The following WWOX variants were observed in gnomAD, a reference collection of about 807,000 sequenced individuals.
WWOX encodes the protein WW domain containing oxidoreductase, also known as WW domain-containing oxidoreductase.
WWOX carries 69 observed loss-of-function variants against 46.2 expected under a neutral mutation model. That is an observed-to-expected ratio of 1.49 (90% CI 1.23 to 1.82). The LOEUF (loss-of-function observed/expected upper bound fraction) is 1.82. WWOX is among the 40% of genes most tolerant of loss of function. WWOX has a pLI of 0.00. For missense variants in WWOX, 919 were observed against 542.6 expected (o/e 1.69, Z -6.89); for synonymous variants, 359 against 202.6 (o/e 1.77, Z -6.56).
At chr16:78,250,317 C>T (rs1314448065) in intron 5 of WWOX, among the ~76,000 whole-genome samples, 1 of 152,218 alleles carries the variant, frequency 6.6e-6, no homozygotes, top group African/African-American at 2.4e-5. Context: ...TGATTCTTAA[C>T]TCTGCTCCTT....
intron 8 of WWOX, among the ~76,000 whole-genome samples, chr16:78,783,107 A>T (rs768135207): frequency 3.9e-5 from 6 of 152,246 alleles, no homozygotes; most frequent in Non-Finnish European, 8.8e-5. Context: ...AGCAGCTATG[A>T]TCAAGTTATC....
At chr16:78,251,197 G>A (rs899156717) in intron 5 of WWOX, among the ~76,000 whole-genome samples, 1 of 152,162 alleles carries the variant, frequency 6.6e-6, no homozygotes, top group Non-Finnish European at 1.5e-5. Context: ...ACTAGATGCT[G>A]TTAGGAGGAG....
At chr16:79,107,742 A>C (rs975119255) in intron 8 of WWOX, among the ~76,000 whole-genome samples, 3 of 152,232 alleles carry the variant, frequency 2.0e-5, no homozygotes, top group Non-Finnish European at 4.4e-5. Context: ...TAGATTTATA[A>C]ATTTCTCCCA....
chr16:79,012,577 G>A (rs969492159), intron 8 of WWOX, among the ~76,000 whole-genome samples: 3 of 152,158 alleles, frequency 2.0e-5, no homozygotes, highest in Non-Finnish European at 2.9e-5. Flanking sequence ...TCAATTTGAA[G>A]ATCCACATAT....
intron 8 of WWOX, among the ~76,000 whole-genome samples, chr16:78,485,009 G>C (rs546487365): frequency 1.4e-4 from 21 of 152,054 alleles, no homozygotes; most frequent in Non-Finnish European, 3.1e-4. Context: ...ACACCTTATA[G>C]ATGAGGTTCC....
At chr16:78,412,980 C>T (rs1314100301) in intron 6 of WWOX, among the ~76,000 whole-genome samples, 1 of 152,068 alleles carries the variant, frequency 6.6e-6, no homozygotes, top group Non-Finnish European at 1.5e-5. Context: ...TCTGATTTTT[C>T]CTTACCTGAT....
intron 8 of WWOX, among the ~76,000 whole-genome samples, chr16:78,689,626 T>A (rs1194296883): frequency 1.3e-5 from 2 of 152,182 alleles, no homozygotes; most frequent in African/African-American, 4.8e-5. Context: ...GCTAACTTGG[T>A]TAAGTTGGAA....
At chr16:78,627,784 A>G (rs1446563079) in intron 8 of WWOX, among the ~76,000 whole-genome samples, 8 of 152,206 alleles carry the variant, frequency 5.3e-5, no homozygotes, top group Non-Finnish European at 7.3e-5. Context: ...AAAGGTGCAG[A>G]GTAGAGTATG....
intron 8 of WWOX, among the ~76,000 whole-genome samples, chr16:78,778,134 C>G (rs2142543667): frequency 6.6e-6 from 1 of 151,532 alleles, no homozygotes; most frequent in East Asian, 2.0e-4. Flanking sequence ...GAAGTTCAAA[C>G]TGGTGATGAT....
intron 8 of WWOX, among the ~76,000 whole-genome samples, chr16:78,751,181 A>G (rs2049467019): frequency 6.6e-6 from 1 of 152,146 alleles, no homozygotes. Context: ...AGTACACTAC[A>G]TATAAAAGAC....
chr16:78,158,376 C>T (rs1228699791), intron 4 of WWOX, among the ~76,000 whole-genome samples: 1 of 152,104 alleles, frequency 6.6e-6, no homozygotes, highest in East Asian at 1.9e-4. Context: ...TAGGGTCTTC[C>T]ACCACAGATT....
At chr16:78,148,107 G>C (rs1052562246) in intron 4 of WWOX, among the ~76,000 whole-genome samples, 2 of 152,188 alleles carry the variant, frequency 1.3e-5, no homozygotes, top group African/African-American at 4.8e-5. Context: ...ATAGAATATA[G>C]TGTGCTTACA....
chr16:78,381,471 G>T (rs1378549287), intron 5 of WWOX, among the ~76,000 whole-genome samples: 1 of 152,224 alleles, frequency 6.6e-6, no homozygotes, highest in East Asian at 1.9e-4. Context: ...TGGATGTTGG[G>T]AGCAAGTGGG....
chr16:78,506,529 A>C (rs8055733), intron 8 of WWOX: 104,107 of 151,824 alleles, frequency 0.69, 37,719 homozygotes, highest in East Asian at 0.86. Context: ...CTCCCTTTCT[A>C]TATCTGTCCC....
chr16:78,591,520 G>C (rs951859296), intron 8 of WWOX, among the ~76,000 whole-genome samples: 2 of 152,180 alleles, frequency 1.3e-5, no homozygotes, highest in African/African-American at 2.4e-5. Context: ...CTCATTAAGA[G>C]ACTGTGGGGT....
intron 8 of WWOX, among the ~76,000 whole-genome samples, chr16:78,743,436 C>G (rs751059435): frequency 6.6e-6 from 1 of 152,044 alleles, no homozygotes; most frequent in Non-Finnish European, 1.5e-5. Context: ...GATTCGGTGT[C>G]TACCCTCAAG....
intron 8 of WWOX, among the ~76,000 whole-genome samples, chr16:78,928,599 T>C (rs1235443569): frequency 2.6e-5 from 4 of 152,150 alleles, no homozygotes; most frequent in African/African-American, 9.7e-5. Flanking sequence ...AAAATAGTTG[T>C]AAATACACTT....
At chr16:79,135,779 C>T (rs927141806) in intron 8 of WWOX, among the ~76,000 whole-genome samples, 1 of 152,070 alleles carries the variant, frequency 6.6e-6, no homozygotes, top group African/African-American at 2.4e-5. Flanking sequence ...AAATCCTCAC[C>T]ATTATTTCTT....
chr16:78,568,977 C>T (rs996638935), intron 8 of WWOX, among the ~76,000 whole-genome samples: 2 of 152,164 alleles, frequency 1.3e-5, no homozygotes, highest in Non-Finnish European at 2.9e-5. Flanking sequence ...AGATGAGTAA[C>T]CTACTCTGGA....
Sources: allele counts gnomAD v4.1 joint callset (sites outside exome capture counted in the v4.1 genomes callset), GRCh38; gene constraint gnomAD v4.1.1; transcripts MANE v1.5; gene names NCBI Gene and HGNC (gene_info 2026-07-23, HGNC 2026-07-21).